The following RCAN1 variants were observed in gnomAD, a reference collection of about 807,000 sequenced individuals.
RCAN1 encodes the protein regulator of calcineurin 1, also known as calcipressin-1.
In RCAN1, 11 loss-of-function variants were observed where a neutral mutation model predicts 22.9. The ratio of observed to expected loss-of-function variants is 0.48; its 90% CI spans 0.30 to 0.79. The LOEUF (loss-of-function observed/expected upper bound fraction) is 0.79. Ranked by LOEUF, RCAN1 falls within the 30% of genes least tolerant of loss-of-function variation. The pLI is 0.06. For missense variants in RCAN1, 291 were observed against 337.8 expected, an observed-to-expected ratio of 0.86 and a Z score of 1.09; for synonymous variants, 136 against 142.3, an observed-to-expected ratio of 0.96 and a Z score of 0.32.
intron 1 of RCAN1, among the ~76,000 whole-genome samples, chr21:34,552,903 T>C (rs1274286743): frequency 1.3e-5 from 2 of 152,238 alleles, no homozygotes; most frequent in South Asian, 2.1e-4. Context: ...GAACTTCACA[T>C]GACCCAAACT....
chr21:34,585,428 G>A (rs1987755349), intron 1 of RCAN1, among the ~76,000 whole-genome samples: 1 of 152,146 alleles, frequency 6.6e-6, no homozygotes. Context: ...AGTAGAGGGG[G>A]AAAATGAAAC....
At chr21:34,562,439 A>G (rs1246247801) in intron 1 of RCAN1, among the ~76,000 whole-genome samples, 1 of 152,172 alleles carries the variant, frequency 6.6e-6, no homozygotes, top group East Asian at 1.9e-4. Flanking sequence ...GCTGTGGGCA[A>G]GGGGAGCATG....
intron 1 of RCAN1, among the ~76,000 whole-genome samples, chr21:34,587,481 AAAAAG>A (rs1174976601): frequency 1.3e-5 from 2 of 152,128 alleles, no homozygotes; most frequent in Non-Finnish European, 2.9e-5. Flanking sequence ...AAATATTATA[AAAAAG>A]AAAAGTGATC....
In RCAN1 at chr21:34,518,598, G is replaced by GA. The variant is rs1984227341; in HGVS notation, c.587-343dup. Among the ~76,000 whole-genome samples, 1 of 152,208 alleles carries GA rather than the reference G, an allele frequency of 6.6e-6. No homozygotes were observed. Among genetic ancestry groups the GA allele is most frequent in the African/African-American group, 2.4e-5 (1 of 41,448 alleles). ...TTTCTGTCAGCATTTCCTCAAGTGT[G>GA]AATGTGAGAAACTTCGGTTCAGGAA... is the stretch of plus-strand genomic sequence containing the variant. On this transcript the variant is annotated intron_variant, in intron 3 of 3. Transcript: ENST00000313806. The surrounding 1 kb of genome is among the most constrained non-coding windows in gnomAD (Gnocchi z 4.2).
chr21:34,604,536 G>A (rs915818529), intron 1 of RCAN1, among the ~76,000 whole-genome samples: 1 of 152,222 alleles, frequency 6.6e-6, no homozygotes, highest in African/African-American at 2.4e-5. Context: ...TGACTGAAAT[G>A]TACCTCCTCT....
At chr21:34,529,377 G>C (rs1378531814) in intron 1 of RCAN1, among the ~76,000 whole-genome samples, 1 of 152,174 alleles carries the variant, frequency 6.6e-6, no homozygotes. Context: ...CACTCTGGTT[G>C]GCCAACAGGG....
rs1244715832 is a variant in RCAN1, at chr21:34,520,391, G to C, written c.586+1108C>G. On this transcript the variant is annotated intron_variant, in intron 3 of 3. Transcript: ENST00000313806. ...GCCCCCGGGCCAGGAGCTGCTGTGG[G>C]GGGAGCACACGCTTCCTCAAAATGG... 3.9e-5 allele frequency among the ~76,000 whole-genome samples: 6 copies of C among 152,166 alleles called. No individual in the cohort carries two copies. The East Asian group carries it at 9.7e-4, about 24-fold the overall frequency.
intron 3 of RCAN1, 131 bp downstream of exon 3, chr21:34,521,368 T>C: frequency 6.5e-7 from 1 of 1,549,034 alleles, no homozygotes; most frequent in Non-Finnish European, 8.7e-7. Flanking sequence ...CGCAGAAGAA[T>C]ACAGAGAAGC....
intron 1 of RCAN1, among the ~76,000 whole-genome samples, chr21:34,553,281 C>G (rs1986436476): frequency 6.6e-6 from 1 of 152,104 alleles, no homozygotes; most frequent in East Asian, 1.9e-4. Flanking sequence ...TAGGGACGAG[C>G]AAGCAACTAC....
intron 1 of RCAN1, among the ~76,000 whole-genome samples, chr21:34,538,797 C>A (rs963369485): frequency 6.6e-6 from 1 of 152,194 alleles, no homozygotes; most frequent in Non-Finnish European, 1.5e-5. Context: ...TCTGCCCCAA[C>A]AGGGCTGACT....
intron 1 of RCAN1, among the ~76,000 whole-genome samples, chr21:34,596,213 G>A (rs1446229761): frequency 6.6e-6 from 1 of 152,218 alleles, no homozygotes; most frequent in Non-Finnish European, 1.5e-5. Context: ...AGAAGCTCAA[G>A]TGCCCGGCCT....
intron 1 of RCAN1, among the ~76,000 whole-genome samples, chr21:34,588,694 AGAATT>A (rs1461723529): frequency 6.6e-6 from 1 of 152,264 alleles, no homozygotes; most frequent in Admixed American, 6.5e-5. Context: ...TGTATCTAAA[AGAATT>A]GAAAGCAGGG....
intron 1 of RCAN1, among the ~76,000 whole-genome samples, chr21:34,556,757 C>T (rs1043458871): frequency 6.6e-6 from 1 of 152,132 alleles, no homozygotes; most frequent in African/African-American, 2.4e-5. Context: ...CAGGTGAAGA[C>T]CAAGTATTAT....
At chr21:34,565,280 T>C (rs1986961801) in intron 1 of RCAN1, among the ~76,000 whole-genome samples, 1 of 152,236 alleles carries the variant, frequency 6.6e-6, no homozygotes, top group Non-Finnish European at 1.5e-5. Flanking sequence ...ACTTTTATCA[T>C]ATTATGTTTA....
intron 1 of RCAN1, among the ~76,000 whole-genome samples, chr21:34,548,899 T>A (rs1348174551): frequency 6.6e-6 from 1 of 152,194 alleles, no homozygotes; most frequent in Non-Finnish European, 1.5e-5. Context: ...TAGAGAAAAA[T>A]GCCTACTTTT....
chr21:34,575,715 T>C (rs939915916), intron 1 of RCAN1, among the ~76,000 whole-genome samples: 2 of 152,094 alleles, frequency 1.3e-5, no homozygotes, highest in African/African-American at 4.8e-5. Context: ...GCATTTAACA[T>C]AGGAAGATTG....
intron 1 of RCAN1, among the ~76,000 whole-genome samples, chr21:34,597,843 A>C (rs985337165): frequency 2.0e-5 from 3 of 152,206 alleles, no homozygotes; most frequent in African/African-American, 2.4e-5. Flanking sequence ...GTTGGTTACA[A>C]AATTAATACA....
At chr21:34,544,915 T>C (rs1357027120) in intron 1 of RCAN1, among the ~76,000 whole-genome samples, 2 of 152,178 alleles carry the variant, frequency 1.3e-5, no homozygotes, top group Non-Finnish European at 2.9e-5. Context: ...AAAGACTGTA[T>C]GACGTGAACT....
chr21:34,613,760 T>C (rs1297220712), intron 1 of RCAN1: 61 of 1,484,182 alleles, frequency 4.1e-5, no homozygotes, highest in Non-Finnish European at 5.2e-5. Context: ...TAAGTGAACA[T>C]ATAAATTATA....
Sources: allele counts gnomAD v4.1 joint callset (sites outside exome capture counted in the v4.1 genomes callset), GRCh38; gene constraint gnomAD v4.1.1; non-coding constraint Gnocchi (gnomAD v3.1); transcripts MANE v1.5; gene names NCBI Gene and HGNC (gene_info 2026-07-23, HGNC 2026-07-21).